Variants in FGD4 observed in about 807,000 individuals in gnomAD.
FGD4 encodes the protein FYVE, RhoGEF and PH domain-containing protein 4.
A neutral mutation model predicts 102.0 loss-of-function variants in FGD4; 42 were observed. The ratio of observed to expected loss-of-function variants is 0.41; its 90% CI spans 0.32 to 0.53. The LOEUF is 0.53. Among genes scored for constraint, FGD4 ranks in the 20% least tolerant of loss-of-function variants. FGD4 has a pLI of 0.21. For synonymous variants in FGD4, 380 were observed against 375.7 expected (o/e 1.01, Z -0.13); for missense variants, 902 against 1,078.2 (o/e 0.84, Z 2.29).
chr12:32,454,446 A>G (rs916718837), intron 1 of FGD4, among the ~76,000 whole-genome samples: 1 of 152,218 alleles, frequency 6.6e-6, no homozygotes, highest in Non-Finnish European at 1.5e-5. Flanking sequence ...TGAGGATTTT[A>G]TAGCAAAGAG....
At chr12:32,599,590 C>T (rs1460338744) in intron 5 of FGD4, among the ~76,000 whole-genome samples, 1 of 104,940 alleles carries the variant, frequency 9.5e-6, no homozygotes, top group Admixed American at 1.3e-4. Context: ...CCCTGTCGCC[C>T]AGGCTGTAGT....
At position 32,572,313 on chromosome 12, in the gene FGD4, A is replaced by G. The variant is rs560028259; in HGVS notation, c.320-3953A>G. ...ATAGTAGGTATATTGGATTCAGGGC[A>G]CCTTTTACCTGAAAAGCTTACTTGC... On this transcript the variant is annotated intron_variant, in intron 2 of 16. Coordinates refer to ENST00000534526, the MANE Select transcript of FGD4 (RefSeq NM_001370298.3). Among the ~76,000 whole-genome samples, 4 of 152,304 alleles carry G rather than the reference A, an allele frequency of 2.6e-5. No homozygotes were observed. In the East Asian group the frequency reaches 7.7e-4, roughly 29 times the overall value.
intron 1 of FGD4, among the ~76,000 whole-genome samples, chr12:32,527,410 C>G (rs1412799289): frequency 6.7e-6 from 1 of 149,258 alleles, no homozygotes; most frequent in Non-Finnish European, 1.5e-5. Context: ...CATCCAGAAT[C>G]GGTTTCTTCC....
rs532881783 is a variant in FGD4, at chr12:32,589,622, A to C, written c.1011+7155A>C. ...CTTTAGTGTAACTTACACTACATAG[A>C]TTATAAGAAGACCAAAGTTGTTCTC... On this transcript the variant is annotated intron_variant, in intron 4 of 16. Transcript: ENST00000534526. Among the ~76,000 whole-genome samples, 5 of 152,352 alleles carry C rather than the reference A, an allele frequency of 3.3e-5. No homozygotes were observed. In the South Asian group the frequency reaches 1.0e-3, roughly 32 times the overall value.
intron 1 of FGD4, chr12:32,502,350 T>C (rs1938288927): frequency 9.1e-6 from 9 of 985,274 alleles, no homozygotes; most frequent in Non-Finnish European, 1.1e-5. Flanking sequence ...TAAGTAACCC[T>C]AGTAATATGT....
chr12:32,577,805 A>T (rs1421624545), intron 3 of FGD4, among the ~76,000 whole-genome samples: 1 of 152,122 alleles, frequency 6.6e-6, no homozygotes, highest in Non-Finnish European at 1.5e-5. Flanking sequence ...GTGACCCCTC[A>T]TGTTTGCAAA....
intron 1 of FGD4, among the ~76,000 whole-genome samples, chr12:32,561,069 G>GTTTTTTTTTT (rs1565841408): frequency 1.3e-4 from 12 of 92,008 alleles, no homozygotes; most frequent in Middle Eastern, 6.0e-3. Context: ...TTCTTTGTTG[G>GTTTTTTTTTT]GTTTTGTTTT....
chr12:32,438,336 A>G (rs1273526589), intron 1 of FGD4, among the ~76,000 whole-genome samples: 3 of 152,230 alleles, frequency 2.0e-5, no homozygotes, highest in African/African-American at 7.2e-5. Flanking sequence ...CTCCTAAGAC[A>G]TCAGCTGAAG....
At chr12:32,573,513 T>C (rs983094198) in intron 2 of FGD4, among the ~76,000 whole-genome samples, 1 of 152,270 alleles carries the variant, frequency 6.6e-6, no homozygotes, top group Admixed American at 6.5e-5. Flanking sequence ...AGAATCATTT[T>C]CATTCATCAG....
intron 1 of FGD4, among the ~76,000 whole-genome samples, chr12:32,426,161 T>C (rs1941824343): frequency 6.6e-6 from 1 of 152,208 alleles, no homozygotes; most frequent in Non-Finnish European, 1.5e-5. Context: ...AGGGAATGCT[T>C]CCAGCTTTTG....
intron 1 of FGD4, among the ~76,000 whole-genome samples, chr12:32,549,198 T>C (rs911073956): frequency 6.6e-6 from 1 of 152,172 alleles, no homozygotes; most frequent in African/African-American, 2.4e-5. Context: ...GCTTTAAAAT[T>C]GGGCAAATAA....
chr12:32,552,041 C>T (rs533371936), intron 1 of FGD4, among the ~76,000 whole-genome samples: 17 of 152,252 alleles, frequency 1.1e-4, no homozygotes, highest in Admixed American at 4.6e-4. Flanking sequence ...GGGTGTTAAG[C>T]TGAATTGGAA....
At chr12:32,420,461 G>A (rs1941589150) in intron 1 of FGD4, among the ~76,000 whole-genome samples, 1 of 151,932 alleles carries the variant, frequency 6.6e-6, no homozygotes, top group Non-Finnish European at 1.5e-5. Context: ...CTTTCCTTCT[G>A]TGCTGTCTTG....
chr12:32,624,158 A>G (rs1248426858), intron 11 of FGD4, among the ~76,000 whole-genome samples: 1 of 152,220 alleles, frequency 6.6e-6, no homozygotes, highest in Non-Finnish European at 1.5e-5. Flanking sequence ...TAACTGAATG[A>G]TGGTTATTAA....
chr12:32,508,690 T>C (rs1939043807), intron 1 of FGD4, among the ~76,000 whole-genome samples: 1 of 152,250 alleles, frequency 6.6e-6, no homozygotes, highest in Non-Finnish European at 1.5e-5. Context: ...TAATAATTAC[T>C]TTGCTTGCAT....
chr12:32,405,726 G>A (rs926757821), intron 1 of FGD4, among the ~76,000 whole-genome samples: 1 of 152,086 alleles, frequency 6.6e-6, no homozygotes, highest in Non-Finnish European at 1.5e-5. Flanking sequence ...AATTTGTTGA[G>A]GGAACGGGAA....
intron 1 of FGD4, among the ~76,000 whole-genome samples, chr12:32,563,358 AGACGGGGTGGCGG>A (rs1944849259): frequency 6.8e-6 from 1 of 146,388 alleles, no homozygotes; most frequent in Non-Finnish European, 1.5e-5. Context: ...CTCACATCCC[AGACGGGGTGGCGG>A]GGCAGAGGTG....
rs368420700 is a variant in FGD4 at position 32,602,140 on chromosome 12, G to GT, written c.1248-16dup. On this transcript the variant is annotated intron_variant, in intron 6 of 16. Coordinates refer to ENST00000534526, the MANE Select transcript of FGD4 (RefSeq NM_001370298.3). ...AAAAAAAAATTTTTTTTAAAGACTT[G>GT]TTTTTCTATATTTGATACAGGGAAA... The GT allele has an allele frequency of 5.6e-4, 906 of 1,612,614 alleles. 2 individuals carry two copies. The African/African-American group carries it at 9.6e-3, about 17-fold the overall frequency.
chr12:32,407,185 G>A (rs1191635677), intron 1 of FGD4, among the ~76,000 whole-genome samples: 1 of 141,676 alleles, frequency 7.1e-6, no homozygotes, highest in African/African-American at 2.7e-5. Context: ...GAGTGCAATG[G>A]CACGATCTCG....
Sources: gnomAD v4.1 joint callset for allele counts (sites outside exome capture counted in the v4.1 genomes callset) on GRCh38, gnomAD v4.1.1 for gene constraint, MANE v1.5 for transcripts, NCBI Gene and HGNC (gene_info 2026-07-23, HGNC 2026-07-21) for gene names.